IRAK4: variants seen among roughly 807,000 people sequenced by gnomAD.
IRAK4 encodes the protein interleukin-1 receptor-associated kinase 4.
A neutral mutation model predicts 51.8 loss-of-function variants in IRAK4; 44 were observed. That is an observed-to-expected ratio of 0.85 (90% CI 0.67 to 1.09). IRAK4 has a LOEUF of 1.09. Among genes scored for constraint, IRAK4 ranks in the 50% least tolerant of loss-of-function variants. The pLI, the probability that IRAK4 is intolerant of heterozygous loss-of-function variation, is 0.00. For synonymous variants in IRAK4, 149 were observed against 174.1 expected (o/e 0.86, Z 1.13); for missense variants, 487 against 538.0 (o/e 0.91, Z 0.94).
In IRAK4 at chr12:43,778,267, A is replaced by G. The variant is rs750525615; in HGVS notation, c.906A>G (p.Leu302=). The change falls in exon 8 of 12, where the codon CTA becomes CTG. Residue 302 remains leucine, a synonymous_variant. Transcript: ENST00000613694. ...GTGCAGCTAATGGCATCAATTTTCT[A>G]CATGAAAATCATCATATTCATAGAG... ...AQGAANGINF[L]HENHHIHRDI... 2 of 1,606,326 alleles carry G rather than the reference A, an allele frequency of 1.2e-6. No individual in the cohort carries two copies. The highest frequency in any genetic ancestry group is 8.5e-7 in the Non-Finnish European group (1 of 1,172,984).
intron 10 of IRAK4, among the ~76,000 whole-genome samples, 161 bp from the exon 11 acceptor site, chr12:43,786,238 G>T (rs1942202810): frequency 6.6e-6 from 1 of 151,902 alleles, no homozygotes; most frequent in African/African-American, 2.4e-5. Flanking sequence ...TCACCATGTT[G>T]CCCAGGCTGG....
rs770553873 is a variant in IRAK4, at chr12:43,775,874, C to CTTTTTTTTTTTTTTTTT, written c.717-1747_717-1731dup. Among the ~76,000 whole-genome samples, 16 of 90,540 alleles carry CTTTTTTTTTTTTTTTTT rather than the reference C, an allele frequency of 1.8e-4. 2 individuals are homozygous for CTTTTTTTTTTTTTTTTT. The highest frequency in any genetic ancestry group is 7.5e-4 in the African/African-American group (15 of 19,920). The allele number at this position is 90,540 out of a possible 152,430, so 59.4% of individuals were successfully genotyped here. A position where few individuals can be genotyped will look rare whatever the true frequency, so the allele number is the denominator to read the frequency against. On this transcript the variant is annotated intron_variant, in intron 6 of 11. Coordinates refer to ENST00000613694, the MANE Select transcript of IRAK4 (RefSeq NM_016123.4). ...TCCTTACCTTCATTTAATATCATTACTTTTTTTTTTTTTTTTTTTTTTTTT... is the reference window on the plus strand; with the variant it reads ...TCCTTACCTTCATTTAATATCATTACTTTTTTTTTTTTTTTTTTTTTTTTTTTTTTTTTTTTTTTTTT...
intron 2 of IRAK4, 91 bp downstream of exon 2, chr12:43,768,363 G>T: frequency 1.1e-6 from 1 of 950,542 alleles, no homozygotes; most frequent in South Asian, 1.6e-5. Flanking sequence ...TGGCAGTTTA[G>T]AAAGTAAACC....
In IRAK4 at chr12:43,778,257, T is replaced by A; in HGVS notation, c.896T>A (p.Ile299Asn). The change falls in exon 8 of 12, where the codon ATC (isoleucine) becomes AAC (asparagine). Residue 299 changes from isoleucine (I) to asparagine (N), a missense_variant. Physicochemically the swap from Ile to Asn is moderately radical, Grantham distance 149. Coordinates refer to ENST00000613694, the MANE Select transcript of IRAK4 (RefSeq NM_016123.4). ...ATTGCTCAGGGTGCAGCTAATGGCATCAATTTTCTACATGAAAATCATCAT... is the reference window on the plus strand; with the variant it reads ...ATTGCTCAGGGTGCAGCTAATGGCAACAATTTTCTACATGAAAATCATCAT... ...CKIAQGAANG[I>N]NFLHENHHIH... 6.2e-7 allele frequency: 1 copy of A among 1,611,042 alleles called. No homozygotes were observed. Among genetic ancestry groups the A allele is most frequent in the Non-Finnish European group, 8.5e-7 (1 of 1,177,268 alleles).
rs569421834 is a variant in IRAK4 at position 43,786,550 on chromosome 12, T to C, written c.1340T>C (p.Ile447Thr). The change falls in exon 11 of 12, where the codon ATT (isoleucine) becomes ACT (threonine). Residue 447 changes from isoleucine to threonine, a missense_variant. Coordinates refer to ENST00000613694, the MANE Select transcript of IRAK4 (RefSeq NM_016123.4). ...GAAAAGAAAAATAAGAGACCAGACA[T>C]TAAGAAGGTATGCATTTTTTATACT... ...LHEKKNKRPD[I>T]KKVQQLLQEM... The C allele has an allele frequency of 6.2e-7, 1 of 1,613,530 alleles. No individual in the cohort carries two copies. The highest frequency in any genetic ancestry group is 8.5e-7 in the Non-Finnish European group (1 of 1,179,710).
chr12:43,773,672 T>A (rs570348350), intron 5 of IRAK4: 65 of 276,804 alleles, frequency 2.3e-4, no homozygotes, highest in African/African-American at 1.1e-3. Context: ...AAATTGCTTA[T>A]GTTTTCTGTT....
At chr12:43,764,345 A>C (rs536809925) in intron 1 of IRAK4, among the ~76,000 whole-genome samples, 1 of 152,160 alleles carries the variant, frequency 6.6e-6, no homozygotes, top group East Asian at 1.9e-4. Flanking sequence ...AATCGCTTAA[A>C]CCTGGGAGGC....
rs4251528 is a variant in IRAK4, at chr12:43,783,539, G to A, written c.1126-123G>A. On this transcript the variant is annotated intron_variant, in intron 9 of 11. Coordinates refer to ENST00000613694, the MANE Select transcript of IRAK4 (RefSeq NM_016123.4). ...GGTCTCACTGTTGCCCAGGCTGGTCGTGAAGTCCGGGGCTCAAGTTATCCT... is the reference window on the plus strand; with the variant it reads ...GGTCTCACTGTTGCCCAGGCTGGTCATGAAGTCCGGGGCTCAAGTTATCCT... 4.9e-3 allele frequency: 3,203 copies of A among 660,146 alleles called. 69 individuals carry two copies. The African/African-American group carries it at 0.052, about 11-fold the overall frequency. The allele number at this position is 660,146 out of a possible 1,614,324, so 40.9% of individuals were successfully genotyped here. A position where few individuals can be genotyped will look rare whatever the true frequency, so the allele number is the denominator to read the frequency against.
intron 1 of IRAK4, chr12:43,763,238 T>C (rs1439173145): frequency 1.3e-5 from 2 of 152,208 alleles, no homozygotes; most frequent in East Asian, 3.9e-4. Flanking sequence ...AAGAGAAATA[T>C]CTACTACTTT....
intron 11 of IRAK4, 43 bp downstream of exon 11, chr12:43,786,600 G>T (rs879181126): frequency 1.9e-6 from 3 of 1,606,804 alleles, no homozygotes; most frequent in South Asian, 1.1e-5. Context: ...AAGGGGTGGG[G>T]TTCATCATAT....
At chr12:43,784,751 A>G (rs747604402) in intron 10 of IRAK4, among the ~76,000 whole-genome samples, 33 of 152,272 alleles carry the variant, frequency 2.2e-4, no homozygotes, top group Non-Finnish European at 3.5e-4. Context: ...AGAAGGTTTT[A>G]CTCTTTCACC....
intron 1 of IRAK4, chr12:43,763,186 C>T (rs1318038117): frequency 2.6e-5 from 4 of 152,166 alleles, no homozygotes; most frequent in Non-Finnish European, 4.4e-5. Flanking sequence ...TTGCAGCTTA[C>T]CTTTAGGAAG....
chr12:43,762,444 A>G (rs955847160), intron 1 of IRAK4, among the ~76,000 whole-genome samples: 2 of 152,172 alleles, frequency 1.3e-5, no homozygotes, highest in African/African-American at 4.8e-5. Flanking sequence ...ATCATGTTGT[A>G]CCTTACAGTA....
intron 9 of IRAK4, 64 bp from the exon 10 acceptor site, chr12:43,783,598 G>A (rs531426729): frequency 2.0e-6 from 2 of 1,007,688 alleles, no homozygotes; most frequent in East Asian, 2.5e-5. Flanking sequence ...TGGGATTACA[G>A]GCGTTAGCCA....
chr12:43,777,536 C>G (rs567432989), intron 6 of IRAK4, 94 bp from the exon 7 acceptor site: 497 of 1,120,170 alleles, frequency 4.4e-4, no homozygotes, highest in Non-Finnish European at 5.3e-4. Context: ...TATTTTTTTG[C>G]TCTTTTTTTC....
intron 6 of IRAK4, among the ~76,000 whole-genome samples, chr12:43,775,160 T>C (rs1288200237): frequency 2.0e-5 from 3 of 152,200 alleles, no homozygotes; most frequent in Non-Finnish European, 4.4e-5. Context: ...TAGACTAGAA[T>C]TGATTTATGC....
At chr12:43,772,408 A>G (rs1940863105) in intron 4 of IRAK4, 46 bp downstream of exon 4, 1 of 1,515,232 alleles carries the variant, frequency 6.6e-7, no homozygotes, top group African/African-American at 1.4e-5. Context: ...TGTCATTAAG[A>G]CTACCAGTGC....
In IRAK4 at chr12:43,768,154, A is replaced by T; in HGVS notation, c.43A>T (p.Asn15Tyr). 1 of 1,613,682 alleles carries T rather than the reference A, an allele frequency of 6.2e-7. No individual in the cohort carries two copies. Among genetic ancestry groups the T allele is most frequent in the African/African-American group, 1.3e-5 (1 of 75,034 alleles). ...ITPSTYVRCL[N>Y]VGLIRKLSDF... ...ACCATCAACATATGTGCGCTGCCTCAATGTTGGACTAATTAGGAAGCTGTC... is the reference window on the plus strand; with the variant it reads ...ACCATCAACATATGTGCGCTGCCTCTATGTTGGACTAATTAGGAAGCTGTC... Residue 15 changes from asparagine (N) to tyrosine (Y), a missense_variant, in exon 2 of 12, where the codon AAT becomes TAT. Transcript: ENST00000613694.
intron 9 of IRAK4, among the ~76,000 whole-genome samples, chr12:43,782,829 A>G (rs1941896517): frequency 6.6e-6 from 1 of 152,202 alleles, no homozygotes; most frequent in South Asian, 2.1e-4. Context: ...ATTCCCAATA[A>G]CTTTTAAGAT....
Sources: allele counts gnomAD v4.1 joint callset (sites outside exome capture counted in the v4.1 genomes callset), GRCh38; gene constraint gnomAD v4.1.1; transcripts MANE v1.5; gene names NCBI Gene and HGNC (gene_info 2026-07-23, HGNC 2026-07-21).